Variants in KLF12 observed in about 807,000 individuals in gnomAD.
KLF12 encodes Krueppel-like factor 12.
KLF12 carries 9 observed loss-of-function variants against 37.8 expected under a neutral mutation model. The ratio of observed to expected loss-of-function variants is 0.24; its 90% CI spans 0.14 to 0.42. The LOEUF (loss-of-function observed/expected upper bound fraction) is 0.42, where lower values mean the gene tolerates loss of function less well. KLF12 is among the 10% of genes least tolerant of loss of function. The pLI, the probability that KLF12 is intolerant of heterozygous loss-of-function variation, is 1.00. For missense variants in KLF12, 411 were observed against 516.0 expected, an observed-to-expected ratio of 0.80 and a Z score of 1.97; for synonymous variants, 208 against 202.1, an observed-to-expected ratio of 1.03 and a Z score of -0.25.
chr13:74,286,445 A>G, the KLF12 span, among the ~76,000 whole-genome samples: 1 of 152,252 alleles, frequency 6.6e-6, no homozygotes, highest in Non-Finnish European at 1.5e-5. Context: ...AAAGGGAAAC[A>G]GTAAAAAGCG....
chr13:74,080,834 G>A (rs1198446977), intron 1 of KLF12, among the ~76,000 whole-genome samples: 1 of 152,182 alleles, frequency 6.6e-6, no homozygotes, highest in Non-Finnish European at 1.5e-5. Flanking sequence ...CACTAAAAAA[G>A]GTAGGGTGTG....
chr13:74,050,237 A>G (rs1872823857), intron 1 of KLF12, among the ~76,000 whole-genome samples: 1 of 152,194 alleles, frequency 6.6e-6, no homozygotes, highest in African/African-American at 2.4e-5. Flanking sequence ...GAGTGGAAGG[A>G]TGCTTTGAAA....
intron 5 of KLF12, among the ~76,000 whole-genome samples, chr13:73,766,646 C>T (rs34353059): frequency 0.014 from 2,080 of 152,246 alleles, 18 homozygotes; most frequent in Middle Eastern, 0.044. Context: ...GTTTAATCAG[C>T]CCCAAATACT....
intron 2 of KLF12, among the ~76,000 whole-genome samples, chr13:73,977,282 G>C (rs1388824047): frequency 3.3e-5 from 5 of 152,080 alleles, no homozygotes; most frequent in Non-Finnish European, 7.4e-5. Flanking sequence ...TGAGCTCAAA[G>C]TGATCTGCTC....
chr13:74,267,833 A>G, the KLF12 span, among the ~76,000 whole-genome samples: 1 of 152,188 alleles, frequency 6.6e-6, no homozygotes, highest in Non-Finnish European at 1.5e-5. Flanking sequence ...TCAAAATATC[A>G]CATGTACGTC....
At chr13:73,984,245 A>G (rs1336446975) in intron 2 of KLF12, among the ~76,000 whole-genome samples, 2 of 152,206 alleles carry the variant, frequency 1.3e-5, no homozygotes, top group Non-Finnish European at 2.9e-5. Flanking sequence ...TTGGGTTATA[A>G]GAGCCACCCT....
At chr13:74,059,059 C>T in intron 1 of KLF12, among the ~76,000 whole-genome samples, 1 of 152,184 alleles carries the variant, frequency 6.6e-6, no homozygotes. Flanking sequence ...CTGTTTCTGA[C>T]TTATTTCACT....
At chr13:73,733,902 T>C (rs564523264) in intron 6 of KLF12, among the ~76,000 whole-genome samples, 1 of 152,256 alleles carries the variant, frequency 6.6e-6, no homozygotes, top group South Asian at 2.1e-4. Context: ...ACATATGATG[T>C]CCTTTCAAAA....
intron 3 of KLF12, among the ~76,000 whole-genome samples, chr13:73,911,149 G>A (rs1464640568): frequency 1.3e-5 from 2 of 152,056 alleles, no homozygotes; most frequent in Non-Finnish European, 2.9e-5. Flanking sequence ...TGATATATTA[G>A]TTTGACTTAG....
rs1307099918 is a variant in KLF12, at chr13:73,689,695, T to C, written c.*5795A>G. On this transcript the variant is annotated 3_prime_UTR_variant, in exon 8 of 8. Transcript: ENST00000377669. ...GAGAAATGATTCTGTCAATATTCAT[T>C]CCAAAATGATTCTTAAGATGATAAT... is the stretch of plus-strand genomic sequence containing the variant. 1 of 152,130 alleles carries C rather than the reference T, an allele frequency of 6.6e-6. No individual in the cohort carries two copies. The highest frequency in any genetic ancestry group is 2.4e-5 in the African/African-American group (1 of 41,430). 9.4% of individuals were successfully genotyped at this position (152,130 alleles called of 1,614,324 possible).
chr13:74,163,506 A>G, the KLF12 span, among the ~76,000 whole-genome samples: 219 of 152,298 alleles, frequency 1.4e-3, 1 homozygote, highest in African/African-American at 5.1e-3. Context: ...TCATGTTTTC[A>G]CTTATTTGTG....
the KLF12 span, among the ~76,000 whole-genome samples, chr13:74,273,861 T>G: frequency 2.6e-5 from 4 of 152,116 alleles, no homozygotes; most frequent in African/African-American, 9.7e-5. Flanking sequence ...CTGAGAAACC[T>G]ATTTCATTTG....
chr13:74,192,980 T>A, the KLF12 span, among the ~76,000 whole-genome samples: 2 of 104,136 alleles, frequency 1.9e-5, no homozygotes. Context: ...ACTTTTTCTG[T>A]TTTTTTTTTT....
the KLF12 span, among the ~76,000 whole-genome samples, chr13:74,246,815 C>T: frequency 2.0e-5 from 3 of 152,106 alleles, no homozygotes; most frequent in East Asian, 1.9e-4. Context: ...GTGTGCGGCA[C>T]GGATGAGAAA....
chr13:73,785,784 T>C (rs1329809641), intron 5 of KLF12, among the ~76,000 whole-genome samples: 1 of 152,174 alleles, frequency 6.6e-6, no homozygotes, highest in Non-Finnish European at 1.5e-5. Flanking sequence ...AGGAGGTGGT[T>C]GGCATCTCGT....
At chr13:73,925,384 T>C (rs1029533289) in intron 3 of KLF12, among the ~76,000 whole-genome samples, 4 of 152,210 alleles carry the variant, frequency 2.6e-5, no homozygotes, top group African/African-American at 9.6e-5. Flanking sequence ...ATCTACTGTC[T>C]GCTCTAGAAA....
chr13:73,960,132 AATCT>A (rs1890973699), intron 2 of KLF12, among the ~76,000 whole-genome samples: 1 of 152,224 alleles, frequency 6.6e-6, no homozygotes. Context: ...AATTGAAATC[AATCT>A]AATGTCAAAC....
chr13:73,918,007 T>G (rs1888924372), intron 3 of KLF12, among the ~76,000 whole-genome samples: 1 of 151,532 alleles, frequency 6.6e-6, no homozygotes, highest in South Asian at 2.1e-4. Flanking sequence ...AGCTAAGGGG[T>G]AGTCTTTAAA....
chr13:74,102,340 G>C (rs1876401617), intron 1 of KLF12, among the ~76,000 whole-genome samples: 1 of 152,030 alleles, frequency 6.6e-6, no homozygotes, highest in Non-Finnish European at 1.5e-5. Context: ...CAATTACAAA[G>C]GGGAAAATGG....
Sources: gnomAD v4.1 joint callset for allele counts (sites outside exome capture counted in the v4.1 genomes callset) on GRCh38, gnomAD v4.1.1 for gene constraint, MANE v1.5 for transcripts, NCBI Gene and HGNC (gene_info 2026-07-23, HGNC 2026-07-21) for gene names.